The following SCARA3 variants were observed in gnomAD, a reference collection of about 807,000 sequenced individuals.
SCARA3 encodes cellular stress response gene protein.
Under a neutral mutation model 47.0 loss-of-function variants are expected in SCARA3, and 39 were observed. That is an observed-to-expected ratio of 0.83 (90% CI 0.64 to 1.08). The LOEUF (loss-of-function observed/expected upper bound fraction) is 1.08. Among genes scored for constraint, SCARA3 ranks in the 50% least tolerant of loss-of-function variants. SCARA3 has a pLI of 0.00. For synonymous variants in SCARA3, 356 were observed against 334.1 expected (o/e 1.07, Z -0.71); for missense variants, 724 against 792.3 (o/e 0.91, Z 1.04).
chr8:27,685,316 T>G, the SCARA3 span, among the ~76,000 whole-genome samples: 10 of 152,036 alleles, frequency 6.6e-5, no homozygotes, highest in Non-Finnish European at 1.3e-4. Flanking sequence ...GTTTAAATAT[T>G]CCCACAAGGA....
Position 27,643,425 on chromosome 8 carries a change from C to T in SCARA3, c.8-6277C>T, listed in dbSNP as rs557880921. Among the ~76,000 whole-genome samples, 142 of 152,088 alleles carry T rather than the reference C, an allele frequency of 9.3e-4. 1 individual carries two copies. The highest frequency in any genetic ancestry group is 1.5e-3 in the Non-Finnish European group (100 of 68,002). ...TGCTGGAGGAGAGAAACTGGCAGAG[C>T]CACGGAAGCAGAAAAGGACAACTTG... is the stretch of plus-strand genomic sequence containing the variant. On this transcript the variant is annotated intron_variant, in intron 1 of 5. Coordinates refer to ENST00000301904, the MANE Select transcript of SCARA3 (RefSeq NM_016240.3).
downstream of SCARA3, chr8:27,679,755 A>C (rs1429706414): frequency 6.6e-6 from 1 of 152,232 alleles, no homozygotes; most frequent in Non-Finnish European, 1.5e-5. Flanking sequence ...AAAAGACTTA[A>C]ATTACACAGA....
the SCARA3 span, among the ~76,000 whole-genome samples, chr8:27,715,048 T>C: frequency 6.6e-6 from 1 of 152,114 alleles, no homozygotes; most frequent in Non-Finnish European, 1.5e-5. The surrounding 1 kb of genome is among the most constrained non-coding windows in gnomAD (Gnocchi z 4.2). Flanking sequence ...GCCTCCTGAG[T>C]AGCTGGGACT....
At chr8:27,703,954 G>C in the SCARA3 span, among the ~76,000 whole-genome samples, 128 of 146,166 alleles carry the variant, frequency 8.8e-4, 2 homozygotes, top group East Asian at 0.025. Context: ...CTACACATAA[G>C]GTGTTAAGCA....
chr8:27,671,229 G>T lies in SCARA3; in HGVS notation c.1699G>T (p.Ala567Ser). Reference protein sequence around the residue: ...PSGPQGKPGIAGKTGSPGQRG... With the variant: ...PSGPQGKPGISGKTGSPGQRG... Reference sequence around the variant, plus strand: ...AGGGCCTCAGGGAAAACCGGGAATTGCAGGGAAGACAGGGTCACCAGGCCA... The same window carrying T: ...AGGGCCTCAGGGAAAACCGGGAATTTCAGGGAAGACAGGGTCACCAGGCCA... Residue 567 changes from alanine (A) to serine (S), a missense_variant, in exon 6 of 6, where the codon GCA (alanine) becomes TCA (serine). Physicochemically the swap from Ala to Ser is moderately conservative, Grantham distance 99 (BLOSUM62 1). Transcript: ENST00000301904. The T allele has an allele frequency of 2.7e-6, 4 of 1,505,104 alleles. No homozygotes were observed. The highest frequency in any genetic ancestry group is 3.5e-6 in the Non-Finnish European group (4 of 1,131,748). The allele number at this position is 1,505,104 out of a possible 1,614,324, so 93.2% of individuals were successfully genotyped here.
At chr8:27,731,009 G>A in the SCARA3 span, among the ~76,000 whole-genome samples, 1 of 151,034 alleles carries the variant, frequency 6.6e-6, no homozygotes, top group South Asian at 2.1e-4. Flanking sequence ...CCTGGGCTTT[G>A]GGGGCGTTAA....
chr8:27,660,692 A>T (rs1801887060), intron 5 of SCARA3, among the ~76,000 whole-genome samples: 1 of 122,930 alleles, frequency 8.1e-6, no homozygotes, highest in Non-Finnish European at 1.8e-5. Context: ...AGAGTGATAG[A>T]TGATAGATAG....
intron 1 of SCARA3, among the ~76,000 whole-genome samples, chr8:27,649,399 T>C (rs1268006671): frequency 6.6e-6 from 1 of 152,204 alleles, no homozygotes; most frequent in East Asian, 1.9e-4. Context: ...TTATTTCTCC[T>C]TACTCCACCT....
intron 1 of SCARA3, among the ~76,000 whole-genome samples, chr8:27,647,459 T>C (rs567488793): frequency 8.9e-4 from 136 of 152,318 alleles, no homozygotes; most frequent in African/African-American, 3.0e-3. Flanking sequence ...CAGGCAGGCA[T>C]AGAACTGCTG....
At chr8:27,723,183 G>A in the SCARA3 span, among the ~76,000 whole-genome samples, 1 of 152,070 alleles carries the variant, frequency 6.6e-6, no homozygotes, top group South Asian at 2.1e-4. Flanking sequence ...TTCTTGCGGG[G>A]CCTGGAGCCC....
intron 1 of SCARA3, among the ~76,000 whole-genome samples, chr8:27,638,453 C>T (rs1801307205): frequency 6.6e-6 from 1 of 151,906 alleles, no homozygotes; most frequent in Non-Finnish European, 1.5e-5. Flanking sequence ...TCCAGGTGGA[C>T]CAGATGATCC....
At chr8:27,723,108 C>T in the SCARA3 span, among the ~76,000 whole-genome samples, 2 of 152,288 alleles carry the variant, frequency 1.3e-5, no homozygotes, top group South Asian at 4.1e-4. Context: ...TGGACAGATC[C>T]CCAATCACGT....
At chr8:27,710,858 T>C in the SCARA3 span, among the ~76,000 whole-genome samples, 1 of 151,660 alleles carries the variant, frequency 6.6e-6, no homozygotes, top group African/African-American at 2.4e-5. Context: ...TCCTGTAAAC[T>C]GAAAGTTAGA....
At chr8:27,731,358 C>T in the SCARA3 span, among the ~76,000 whole-genome samples, 3 of 151,926 alleles carry the variant, frequency 2.0e-5, 1 homozygote, top group South Asian at 4.2e-4. Flanking sequence ...CCTCGGCCTC[C>T]CAGTGTTGGG....
intron 1 of SCARA3, among the ~76,000 whole-genome samples, chr8:27,638,314 TTGTGTGTGTG>T (rs55695492): frequency 0.18 from 26,311 of 146,672 alleles, 2,648 homozygotes; most frequent in Middle Eastern, 0.31. Context: ...AATTTAGTGA[TTGTGTGTGTG>T]TGTGTGTGTG....
chr8:27,663,761 C>T (rs1801960443), intron 5 of SCARA3, among the ~76,000 whole-genome samples: 1 of 152,148 alleles, frequency 6.6e-6, no homozygotes, highest in Non-Finnish European at 1.5e-5. Context: ...CACAACATCC[C>T]TACCCGCCAC....
In SCARA3 at chr8:27,660,302, T is replaced by G. The variant is rs12545526; in HGVS notation, c.1369+763T>G. Among the ~76,000 whole-genome samples, 599 of 151,882 alleles carry G rather than the reference T, an allele frequency of 3.9e-3. 8 individuals are homozygous for G. In the East Asian group the frequency reaches 0.042, roughly 11 times the overall value. Reference sequence around the variant, plus strand: ...AAATAGAATCAATAGTGTATATATATATAGAGAGATAGACCCAGAGAAACA... The same window carrying G: ...AAATAGAATCAATAGTGTATATATAGATAGAGAGATAGACCCAGAGAAACA... On this transcript the variant is annotated intron_variant, in intron 5 of 5. Coordinates refer to ENST00000301904, the MANE Select transcript of SCARA3 (RefSeq NM_016240.3).
chr8:27,670,210 C>T (rs1367774036), intron 5 of SCARA3, among the ~76,000 whole-genome samples: 1 of 152,184 alleles, frequency 6.6e-6, no homozygotes, highest in Non-Finnish European at 1.5e-5. Context: ...GCTCTGTGTC[C>T]AGGGCTGGGA....
chr8:27,676,946 G>T (rs1018397062), downstream of SCARA3, among the ~76,000 whole-genome samples: 8 of 152,124 alleles, frequency 5.3e-5, no homozygotes, highest in African/African-American at 1.9e-4. Flanking sequence ...TAATATGATG[G>T]TTTCTTCTCC....
Sources: allele counts gnomAD v4.1 joint callset (sites outside exome capture counted in the v4.1 genomes callset), GRCh38; gene constraint gnomAD v4.1.1; non-coding constraint Gnocchi (gnomAD v3.1); transcripts MANE v1.5; gene names NCBI Gene and HGNC (gene_info 2026-07-23, HGNC 2026-07-21).